The following TAMM41 variants were observed in gnomAD, a reference collection of about 807,000 sequenced individuals.
TAMM41 encodes TAM41 mitochondrial translocator assembly and maintenance homolog.
A neutral mutation model predicts 44.1 loss-of-function variants in TAMM41; 36 were observed. That is an observed-to-expected ratio of 0.82 (90% CI 0.63 to 1.08). TAMM41 has a LOEUF of 1.08. Among genes scored for constraint, TAMM41 ranks in the 50% least tolerant of loss-of-function variants. TAMM41 has a pLI of 0.00. For missense variants in TAMM41, 417 were observed against 404.3 expected, an observed-to-expected ratio of 1.03 and a Z score of -0.27; for synonymous variants, 164 against 153.1, an observed-to-expected ratio of 1.07 and a Z score of -0.53.
At chr3:11,784,864 G>C in the TAMM41 span, among the ~76,000 whole-genome samples, 1 of 146,070 alleles carries the variant, frequency 6.8e-6, no homozygotes, top group South Asian at 2.2e-4. Flanking sequence ...GTGCAGTGGC[G>C]CAATCGTGGC....
the TAMM41 span, among the ~76,000 whole-genome samples, chr3:11,723,435 C>T: frequency 2.0e-5 from 3 of 152,066 alleles, no homozygotes; most frequent in East Asian, 5.8e-4. Context: ...CAAAAATTAG[C>T]TGGGCGTGGT....
the TAMM41 span, among the ~76,000 whole-genome samples, chr3:11,739,706 T>G: frequency 6.8e-6 from 1 of 147,592 alleles, no homozygotes; most frequent in Non-Finnish European, 1.5e-5. Flanking sequence ...AAGAGACATG[T>G]TAAGGATGGA....
At chr3:11,738,905 A>G in the TAMM41 span, among the ~76,000 whole-genome samples, 11 of 152,310 alleles carry the variant, frequency 7.2e-5, no homozygotes, top group African/African-American at 2.6e-4. Flanking sequence ...GAATTACTGC[A>G]TTCTAGGACC....
chr3:11,829,971 T>C (rs2078917229), intron 3 of TAMM41, 107 bp from the exon 4 acceptor site: 4 of 1,111,640 alleles, frequency 3.6e-6, no homozygotes, highest in Non-Finnish European at 5.2e-6. Flanking sequence ...CCACTGAAGA[T>C]CTTGGAATAC....
chr3:11,789,327 C>T (rs1043443068), downstream of TAMM41, among the ~76,000 whole-genome samples: 12 of 152,142 alleles, frequency 7.9e-5, no homozygotes, highest in Non-Finnish European at 1.8e-4. Flanking sequence ...TTCAAATGTA[C>T]AAGAGAGCCT....
the TAMM41 span, among the ~76,000 whole-genome samples, chr3:11,766,727 T>C: frequency 6.8e-6 from 1 of 147,710 alleles, no homozygotes; most frequent in Admixed American, 6.6e-5. Flanking sequence ...CTACTACATC[T>C]GGCAAATTTT....
At chr3:11,743,326 T>G in the TAMM41 span, among the ~76,000 whole-genome samples, 30 of 141,076 alleles carry the variant, frequency 2.1e-4, no homozygotes, top group African/African-American at 7.2e-4. Context: ...GTAAACTACC[T>G]AATAATCTCT....
intron 4 of TAMM41, chr3:11,826,908 T>C (rs888023866): frequency 1.3e-5 from 2 of 152,190 alleles, no homozygotes; most frequent in African/African-American, 4.8e-5. Context: ...TGGCACCCAA[T>C]AATAAAGGCT....
intron 5 of TAMM41, among the ~76,000 whole-genome samples, chr3:11,815,527 A>C (rs1392164982): frequency 6.6e-6 from 1 of 152,222 alleles, no homozygotes; most frequent in Non-Finnish European, 1.5e-5. Context: ...CAGGAAAAGG[A>C]ACTTCATAAT....
In TAMM41 at chr3:11,790,550, T is replaced by C; in HGVS notation, c.969A>G (p.Leu323=). Residue 323 remains leucine, a synonymous_variant, in exon 8 of 8, where the codon CTA becomes CTG. Coordinates refer to ENST00000455809, the MANE Select transcript of TAMM41 (RefSeq NM_001284401.2). ...GLKKSVIYSS[L]KLHKMWKGWL... ...ACCCTTTCCACATTTTGTGCAGTTT[T>C]AGTGAACTATAAATCACTGACTTCT... 1 of 1,614,182 alleles carries C rather than the reference T, an allele frequency of 6.2e-7. No individual in the cohort carries two copies.
At chr3:11,745,200 G>A in the TAMM41 span, among the ~76,000 whole-genome samples, 1 of 152,114 alleles carries the variant, frequency 6.6e-6, no homozygotes, top group African/African-American at 2.4e-5. Flanking sequence ...GTGTGGTGGT[G>A]CACACCTGTA....
chr3:11,754,009 GT>G, the TAMM41 span, among the ~76,000 whole-genome samples: 2 of 152,054 alleles, frequency 1.3e-5, no homozygotes, highest in African/African-American at 4.8e-5. Context: ...GTCCATCTCT[GT>G]TTTTTGCCAG....
chr3:11,729,512 T>C, the TAMM41 span, among the ~76,000 whole-genome samples: 1 of 142,684 alleles, frequency 7.0e-6, no homozygotes. Flanking sequence ...TTTCTTTCTT[T>C]CTTTCTTTCT....
chr3:11,815,800 C>T (rs1047219371), intron 5 of TAMM41, among the ~76,000 whole-genome samples: 2 of 151,886 alleles, frequency 1.3e-5, no homozygotes, highest in Non-Finnish European at 2.9e-5. Context: ...AAATAATAGT[C>T]GAAGCATATT....
At chr3:11,839,341 AC>A in intron 2 of TAMM41, 27 bp from the exon 3 acceptor site, 1 of 1,446,882 alleles carries the variant, frequency 6.9e-7, no homozygotes, top group Non-Finnish European at 9.7e-7. Flanking sequence ...ATGGCACAAA[AC>A]GGAGTAAAAT....
At chr3:11,832,674 C>T (rs1246673827) in intron 3 of TAMM41, among the ~76,000 whole-genome samples, 1 of 152,154 alleles carries the variant, frequency 6.6e-6, no homozygotes, top group Non-Finnish European at 1.5e-5. Flanking sequence ...GACCGGGATC[C>T]AGTCCCAGGA....
the TAMM41 span, among the ~76,000 whole-genome samples, chr3:11,763,685 C>T: frequency 6.6e-6 from 1 of 152,212 alleles, no homozygotes; most frequent in Non-Finnish European, 1.5e-5. Context: ...ATCTCAATTT[C>T]ATACCAAACC....
At chr3:11,843,091 A>C (rs1301327093) in intron 2 of TAMM41, among the ~76,000 whole-genome samples, 2 of 152,176 alleles carry the variant, frequency 1.3e-5, no homozygotes. Context: ...TGGCACCAAG[A>C]GGTTCCCGTC....
chr3:11,800,023 C>G (rs1015927753), intron 7 of TAMM41, among the ~76,000 whole-genome samples: 3 of 152,154 alleles, frequency 2.0e-5, no homozygotes, highest in Non-Finnish European at 2.9e-5. Flanking sequence ...AGAGACTAGT[C>G]TTTCCTAGAC....
Sources: gnomAD v4.1 joint callset for allele counts (sites outside exome capture counted in the v4.1 genomes callset) on GRCh38, gnomAD v4.1.1 for gene constraint, MANE v1.5 for transcripts, NCBI Gene and HGNC (gene_info 2026-07-23, HGNC 2026-07-21) for gene names.